SIK2: variants seen among roughly 807,000 people sequenced by gnomAD.
The protein encoded by SIK2 is salt inducible kinase 2.
Under a neutral mutation model 103.2 loss-of-function variants are expected in SIK2, and 29 were observed. The ratio of observed to expected loss-of-function variants is 0.28; its 90% CI spans 0.21 to 0.38. SIK2 has a LOEUF of 0.38. Among genes scored for constraint, SIK2 ranks in the 10% least tolerant of loss-of-function variants. The pLI, the probability that SIK2 is intolerant of heterozygous loss-of-function variation, is 1.00. For missense variants in SIK2, 879 were observed against 1,171.0 expected (o/e 0.75, Z 3.64); for synonymous variants, 412 against 446.1 (o/e 0.92, Z 0.96).
chr11:111,607,111 C>T (rs1281027049), intron 1 of SIK2, among the ~76,000 whole-genome samples: 2 of 152,118 alleles, frequency 1.3e-5, no homozygotes, highest in Non-Finnish European at 1.5e-5. Context: ...AGCTAAAGAG[C>T]ATGTAAATGT....
At chr11:111,664,040 T>C (rs1942502482) in intron 3 of SIK2, among the ~76,000 whole-genome samples, 1 of 152,204 alleles carries the variant, frequency 6.6e-6, no homozygotes, top group Non-Finnish European at 1.5e-5. Flanking sequence ...AAGGAAACCC[T>C]GGGCCAGGGC....
At chr11:111,697,546 A>G (rs2135914171) in intron 4 of SIK2, among the ~76,000 whole-genome samples, 1 of 152,354 alleles carries the variant, frequency 6.6e-6, no homozygotes. Context: ...CATGAAATGT[A>G]AGTGTTGTCC....
chr11:111,707,882 C>CT (rs1943394261), intron 8 of SIK2, among the ~76,000 whole-genome samples: 1 of 152,192 alleles, frequency 6.6e-6, no homozygotes, highest in African/African-American at 2.4e-5. Flanking sequence ...GTCAGCGTCT[C>CT]TGAGTTCCTG....
At chr11:111,699,733 G>T (rs1039295894) in intron 4 of SIK2, among the ~76,000 whole-genome samples, 3 of 152,196 alleles carry the variant, frequency 2.0e-5, no homozygotes, top group African/African-American at 7.2e-5. Flanking sequence ...AGGTATGAAT[G>T]GAGTGAGCTT....
At chr11:111,715,793 CTTTTTTTTTTTT>C (rs535843069) in intron 9 of SIK2, among the ~76,000 whole-genome samples, 1 of 81,580 alleles carries the variant, frequency 1.2e-5, no homozygotes, top group Non-Finnish European at 2.2e-5. Flanking sequence ...TCATTTTTAG[CTTTTTTTTTTTT>C]TTTTTTTTTT....
chr11:111,711,890 T>C (rs1943506926), intron 8 of SIK2, among the ~76,000 whole-genome samples: 1 of 152,244 alleles, frequency 6.6e-6, no homozygotes, highest in African/African-American at 2.4e-5. Context: ...AAGAGACAAA[T>C]ATGTTTGTTG....
intron 4 of SIK2, among the ~76,000 whole-genome samples, chr11:111,693,776 C>A (rs1199273032): frequency 6.6e-6 from 1 of 152,116 alleles, no homozygotes; most frequent in Non-Finnish European, 1.5e-5. Context: ...CCTGAGTTTC[C>A]ATATCTATTA....
intron 9 of SIK2, 54 bp from the exon 10 acceptor site, chr11:111,719,720 AT>A (rs1943745824): frequency 1.3e-6 from 2 of 1,539,672 alleles, no homozygotes; most frequent in Non-Finnish European, 8.8e-7. Flanking sequence ...TCCTTTGTGG[AT>A]TTTTCTGTCT....
At chr11:111,665,704 T>C (rs939926802) in intron 3 of SIK2, among the ~76,000 whole-genome samples, 3 of 151,950 alleles carry the variant, frequency 2.0e-5, no homozygotes, top group Non-Finnish European at 2.9e-5. Flanking sequence ...CACATGCCTA[T>C]AATCCCAGCT....
chr11:111,659,184 CTT>C (rs1334435214), intron 3 of SIK2, among the ~76,000 whole-genome samples: 3 of 152,054 alleles, frequency 2.0e-5, no homozygotes, highest in African/African-American at 7.2e-5. Context: ...TCTTTAGTCT[CTT>C]ATCTGTTATT....
At chr11:111,698,627 C>T (rs1943136028) in intron 4 of SIK2, among the ~76,000 whole-genome samples, 1 of 152,174 alleles carries the variant, frequency 6.6e-6, no homozygotes, top group South Asian at 2.1e-4. Flanking sequence ...CTGTGCTACT[C>T]AGGAGGTTGA....
At chr11:111,663,709 G>C (rs1021330049) in intron 3 of SIK2, among the ~76,000 whole-genome samples, 2 of 152,166 alleles carry the variant, frequency 1.3e-5, no homozygotes, top group African/African-American at 4.8e-5. Context: ...ATGGTGTCTT[G>C]GCCTTAGGTG....
intron 3 of SIK2, among the ~76,000 whole-genome samples, chr11:111,646,017 T>C (rs956037166): frequency 6.6e-6 from 1 of 152,338 alleles, no homozygotes; most frequent in African/African-American, 2.4e-5. Flanking sequence ...CACTTTCATT[T>C]GTGTTTTATA....
At chr11:111,620,428 A>G (rs1178529155) in intron 3 of SIK2, 26 bp downstream of exon 3, 5 of 1,476,408 alleles carry the variant, frequency 3.4e-6, no homozygotes, top group African/African-American at 1.4e-5. Flanking sequence ...TAAATTTTCT[A>G]TTAATTTGAA....
intron 9 of SIK2, among the ~76,000 whole-genome samples, chr11:111,716,394 TG>T (rs2135959385): frequency 6.7e-6 from 1 of 149,716 alleles, no homozygotes; most frequent in Admixed American, 6.7e-5. Flanking sequence ...CTGGCCAACA[TG>T]GCAAAACCCC....
At chr11:111,669,844 A>C (rs562464437) in intron 3 of SIK2, among the ~76,000 whole-genome samples, 1 of 152,258 alleles carries the variant, frequency 6.6e-6, no homozygotes, top group Admixed American at 6.5e-5. Context: ...GCCATAGTCT[A>C]TCTTTCCAAA....
intron 3 of SIK2, among the ~76,000 whole-genome samples, chr11:111,638,269 G>A (rs1412666708): frequency 6.6e-6 from 1 of 152,162 alleles, no homozygotes; most frequent in Non-Finnish European, 1.5e-5. Flanking sequence ...TCTTAGGTCT[G>A]GAGACCCTTC....
rs1462074662 is a variant in SIK2, at chr11:111,720,579, C to A, written c.1597C>A (p.Pro533Thr). ...QRDLNFLEDN[P>T]SLKDIMLANQ... ...GGACCTGAACTTTCTGGAAGACAACCCTTCCCTTAAGGACATCATGTTAGC... is the reference window on the plus strand; with the variant it reads ...GGACCTGAACTTTCTGGAAGACAACACTTCCCTTAAGGACATCATGTTAGC... Residue 533 changes from proline to threonine, a missense_variant, in exon 11 of 15, where the codon CCT (proline) becomes ACT (threonine). Physicochemically the swap from Pro to Thr is conservative, Grantham distance 38 (BLOSUM62 -1). Transcript: ENST00000304987. The A allele has an allele frequency of 1.9e-6, 3 of 1,614,084 alleles. No homozygotes were observed. Among genetic ancestry groups the A allele is most frequent in the South Asian group, 1.1e-5 (1 of 91,066 alleles).
intron 3 of SIK2, among the ~76,000 whole-genome samples, chr11:111,677,870 G>C (rs1329876845): frequency 6.6e-6 from 1 of 152,052 alleles, no homozygotes; most frequent in African/African-American, 2.4e-5. Context: ...CTGCTTAATG[G>C]GACTGTACAG....
Sources: allele counts gnomAD v4.1 joint callset (sites outside exome capture counted in the v4.1 genomes callset), GRCh38; gene constraint gnomAD v4.1.1; transcripts MANE v1.5; gene names NCBI Gene and HGNC (gene_info 2026-07-23, HGNC 2026-07-21).